Variants in HDAC11 observed in about 807,000 individuals in gnomAD.
HDAC11 encodes histone deacetylase 11.
HDAC11 carries 23 observed loss-of-function variants against 41.1 expected under a neutral mutation model. The observed-to-expected ratio is 0.56, with a 90% CI of 0.40 to 0.79. HDAC11 has a LOEUF of 0.79. HDAC11 is among the 30% of genes least tolerant of loss of function. The probability of loss-of-function intolerance (pLI) is 0.00; values close to 1 mark genes in which losing one functional copy is unlikely to be tolerated. For missense variants in HDAC11, 402 were observed against 477.3 expected, an observed-to-expected ratio of 0.84 and a Z score of 1.47; for synonymous variants, 187 against 186.6, an observed-to-expected ratio of 1.00 and a Z score of -0.02.
intron 8 of HDAC11, among the ~76,000 whole-genome samples, chr3:13,503,695 C>T (rs1276096828): frequency 6.6e-6 from 1 of 152,232 alleles, no homozygotes; most frequent in Non-Finnish European, 1.5e-5. Context: ...GACATTTTTG[C>T]ACCAGTCACG....
At chr3:13,484,560 C>G (rs529364775) in intron 3 of HDAC11, among the ~76,000 whole-genome samples, 15 of 152,042 alleles carry the variant, frequency 9.9e-5, no homozygotes, top group African/African-American at 3.4e-4. Context: ...GAGTCTCGCT[C>G]TTGTTGAGCA....
intron 2 of HDAC11, 94 bp from the exon 3 acceptor site, chr3:13,483,370 G>A: frequency 9.6e-7 from 1 of 1,038,628 alleles, no homozygotes; most frequent in Non-Finnish European, 1.5e-6. Context: ...GGCAGGGGCT[G>A]CCACAGGCCA....
In HDAC11 at chr3:13,504,575, T is replaced by C. The variant is rs993233165; in HGVS notation, c.936T>C (p.Ile312=). The change falls in exon 10 of 10, where the codon ATT becomes ATC. Residue 312 remains isoleucine (I), a synonymous_variant. Transcript: ENST00000295757. ...GGYQKRTARI[I]ADSILNLFGL... ...ACCAGAAGCGCACAGCCCGCATCATTGCTGACTCCATACTTAATCTGTTTG... is the reference window on the plus strand; with the variant it reads ...ACCAGAAGCGCACAGCCCGCATCATCGCTGACTCCATACTTAATCTGTTTG... 1 of 1,613,642 alleles carries C rather than the reference T, an allele frequency of 6.2e-7. No homozygotes were observed. Among genetic ancestry groups the C allele is most frequent in the Non-Finnish European group, 8.5e-7 (1 of 1,180,038 alleles).
intron 3 of HDAC11, among the ~76,000 whole-genome samples, chr3:13,485,512 G>A (rs916332401): frequency 1.3e-5 from 2 of 152,228 alleles, no homozygotes; most frequent in Non-Finnish European, 2.9e-5. Flanking sequence ...GGGGTGGGGG[G>A]CCTAGGTTCC....
At chr3:13,482,855 G>T (rs1169351528) in intron 2 of HDAC11, among the ~76,000 whole-genome samples, 1 of 152,188 alleles carries the variant, frequency 6.6e-6, no homozygotes, top group Non-Finnish European at 1.5e-5. Flanking sequence ...CTAGAGTGCA[G>T]TGGCGGAATC....
At chr3:13,492,865 G>T (rs1701929299) in intron 3 of HDAC11, among the ~76,000 whole-genome samples, 1 of 152,184 alleles carries the variant, frequency 6.6e-6, no homozygotes, top group Non-Finnish European at 1.5e-5. Context: ...TTTTAGATTA[G>T]ATGAGGAGGA....
Position 13,504,100 on chromosome 3 carries a change from T to G in HDAC11, c.656T>G (p.Ile219Ser), listed in dbSNP as rs762607940. 2 of 1,613,966 alleles carry G rather than the reference T, an allele frequency of 1.2e-6. No homozygotes were observed. Among genetic ancestry groups the G allele is most frequent in the Non-Finnish European group, 1.7e-6 (2 of 1,179,978 alleles). Residue 219 changes from isoleucine to serine, a missense_variant, in exon 9 of 10, where the codon ATC (isoleucine) becomes AGC (serine). Transcript: ENST00000295757. Reference protein sequence around the residue: ...YPGDRFAKQAIRRKVELEWGT... With the variant: ...YPGDRFAKQASRRKVELEWGT... ...ATCCATGTCTCTCTCCCAGAGGCCA[T>G]CAGGCGGAAGGTGGAGCTGGAGTGG... is the stretch of plus-strand genomic sequence containing the variant.
chr3:13,503,683 G>A (rs1322377820), intron 8 of HDAC11, among the ~76,000 whole-genome samples: 1 of 152,242 alleles, frequency 6.6e-6, no homozygotes, highest in Non-Finnish European at 1.5e-5. Context: ...TTGCAGGTAG[G>A]GGACATTTTT....
chr3:13,484,466 G>T (rs533134673), intron 3 of HDAC11, among the ~76,000 whole-genome samples: 1 of 152,280 alleles, frequency 6.6e-6, no homozygotes, highest in South Asian at 2.1e-4. Context: ...CTGTGGGCCC[G>T]GCATGGCCAG....
intron 3 of HDAC11, among the ~76,000 whole-genome samples, chr3:13,484,249 C>T (rs1341164237): frequency 1.3e-5 from 2 of 152,204 alleles, no homozygotes; most frequent in Non-Finnish European, 1.5e-5. Flanking sequence ...CAGGCGTGAG[C>T]CACCGCACCC....
Position 13,504,611 on chromosome 3 carries a change from C to T in HDAC11, c.972C>T (p.Leu324=). 1.2e-6 allele frequency: 2 copies of T among 1,613,844 alleles called. No homozygotes were observed. The highest frequency in any genetic ancestry group is 2.2e-5 in the East Asian group (1 of 44,878). ...TACTTAATCTGTTTGGCCTGGGGCT[C>T]ATTGGGCCTGAGTCACCCAGCGTCT... ...DSILNLFGLG[L]IGPESPSVSA... is the part of the protein sequence containing the mutation. The change falls in exon 10 of 10, where the codon CTC becomes CTT. Residue 324 remains leucine (L), a synonymous_variant. Coordinates refer to ENST00000295757, the MANE Select transcript of HDAC11 (RefSeq NM_024827.4).
intron 3 of HDAC11, among the ~76,000 whole-genome samples, chr3:13,489,117 GAGTTGTAGGGT>G (rs1449379029): frequency 3.9e-5 from 6 of 151,980 alleles, no homozygotes; most frequent in Non-Finnish European, 5.9e-5. Context: ...TCTTTTTGTT[GAGTTGTAGGGT>G]TCTTTATATA....
chr3:13,492,338 G>A (rs1005424091), intron 3 of HDAC11, among the ~76,000 whole-genome samples: 2 of 152,164 alleles, frequency 1.3e-5, no homozygotes, highest in African/African-American at 4.8e-5. Context: ...GGGGATCAAC[G>A]GCATGCATGG....
intron 3 of HDAC11, 193 bp from the exon 4 acceptor site, chr3:13,496,543 C>A: frequency 1.9e-6 from 1 of 540,308 alleles, no homozygotes; most frequent in Non-Finnish European, 3.3e-6. Context: ...CTTTACTGAG[C>A]CCAGAGCTTG....
chr3:13,483,359 G>T, intron 2 of HDAC11, 105 bp from the exon 3 acceptor site: 1 of 901,784 alleles, frequency 1.1e-6, no homozygotes, highest in Non-Finnish European at 1.8e-6. Context: ...CCTACCCCTG[G>T]GGCAGGGGCT....
chr3:13,496,890 C>T (rs1453356072), intron 4 of HDAC11, 38 bp downstream of exon 4: 3 of 1,228,356 alleles, frequency 2.4e-6, no homozygotes, highest in Non-Finnish European at 2.3e-6. Context: ...GCTGGGGGCC[C>T]CCACACCCCA....
rs1559380901 is a variant in HDAC11, at chr3:13,501,854, CCT to C, written c.490-13_490-12del. ...GTCCGCCCCAGATCCTCATGTCTAC[CCT>C]CTCCTCCCTGGCAGTTTCTGTTTGA... On this transcript the variant is annotated splice_polypyrimidine_tract_variant and intron_variant, in intron 6 of 9. Transcript: ENST00000295757. 2.5e-6 allele frequency: 4 copies of C among 1,613,220 alleles called. No homozygotes were observed. Among genetic ancestry groups the C allele is most frequent in the Non-Finnish European group, 3.4e-6 (4 of 1,179,270 alleles).
At chr3:13,494,954 C>A (rs1702027508) in intron 3 of HDAC11, among the ~76,000 whole-genome samples, 3 of 152,118 alleles carry the variant, frequency 2.0e-5, no homozygotes. Flanking sequence ...CACCCCTCTG[C>A]CATCACACCC....
chr3:13,481,507 G>A (rs906725526), intron 2 of HDAC11, 113 bp downstream of exon 2: 7 of 1,295,722 alleles, frequency 5.4e-6, no homozygotes, highest in African/African-American at 2.9e-5. Flanking sequence ...TTCAGCCCTC[G>A]GATGGCCTTC....
Sources: gnomAD v4.1 joint callset for allele counts (sites outside exome capture counted in the v4.1 genomes callset) on GRCh38, gnomAD v4.1.1 for gene constraint, MANE v1.5 for transcripts, NCBI Gene and HGNC (gene_info 2026-07-23, HGNC 2026-07-21) for gene names.